The following ZBTB20 variants were observed in gnomAD, a reference collection of about 807,000 sequenced individuals.
ZBTB20 encodes the protein zinc finger and BTB domain containing 20, also known as zinc finger and BTB domain-containing protein 20.
ZBTB20 carries 9 observed loss-of-function variants against 56.9 expected under a neutral mutation model. The observed-to-expected ratio is 0.16, with a 90% CI of 0.10 to 0.28. ZBTB20 has a LOEUF of 0.28. Ranked by LOEUF, ZBTB20 falls within the 10% of genes least tolerant of loss-of-function variation. The pLI is 1.00. For missense variants in ZBTB20, 655 were observed against 1,003.0 expected (o/e 0.65, Z 4.69); for synonymous variants, 417 against 420.7 (o/e 0.99, Z 0.11).
chr3:114,427,487 G>A (rs996950596), intron 7 of ZBTB20, among the ~76,000 whole-genome samples: 2 of 152,174 alleles, frequency 1.3e-5, no homozygotes, highest in Non-Finnish European at 2.9e-5. Flanking sequence ...TGAGCCCCTC[G>A]ATCATTACTG....
chr3:115,107,132 A>T (rs2083745934), intron 1 of ZBTB20, among the ~76,000 whole-genome samples: 1 of 152,220 alleles, frequency 6.6e-6, no homozygotes, highest in Admixed American at 6.5e-5. Flanking sequence ...TTTCACAATA[A>T]AAAGTTGGAT....
chr3:114,591,026 T>G (rs943976161), intron 6 of ZBTB20, among the ~76,000 whole-genome samples: 1 of 152,234 alleles, frequency 6.6e-6, no homozygotes, highest in African/African-American at 2.4e-5. Flanking sequence ...AAAGCCTTGT[T>G]TCCCACTTCT....
chr3:114,571,353 T>C (rs1248776556), intron 6 of ZBTB20, among the ~76,000 whole-genome samples: 1 of 152,198 alleles, frequency 6.6e-6, no homozygotes, highest in East Asian at 1.9e-4. Context: ...GGAAAACTAT[T>C]GTTCTAAAAT....
At chr3:114,679,906 A>G (rs981193559) in intron 6 of ZBTB20, among the ~76,000 whole-genome samples, 2 of 152,210 alleles carry the variant, frequency 1.3e-5, no homozygotes, top group Non-Finnish European at 2.9e-5. Context: ...TCAATGATTG[A>G]CTGGATAAAG....
intron 6 of ZBTB20, among the ~76,000 whole-genome samples, chr3:114,668,840 G>A (rs1035164746): frequency 6.6e-6 from 1 of 152,074 alleles, no homozygotes; most frequent in African/African-American, 2.4e-5. Context: ...ATTAAAGGAA[G>A]CTCTGAGGTC....
chr3:115,120,712 C>T (rs548878408), intron 1 of ZBTB20, among the ~76,000 whole-genome samples: 2 of 152,136 alleles, frequency 1.3e-5, no homozygotes, highest in African/African-American at 4.8e-5. Context: ...TCCAAAGTCA[C>T]CAAACTAGTT....
At chr3:114,484,177 T>A (rs773480429) in intron 7 of ZBTB20, among the ~76,000 whole-genome samples, 4 of 152,216 alleles carry the variant, frequency 2.6e-5, no homozygotes, top group African/African-American at 9.6e-5. Flanking sequence ...TGTTTCTATA[T>A]GGAAAATTAC....
chr3:114,383,309 G>A (rs192662278), intron 8 of ZBTB20, among the ~76,000 whole-genome samples: 423 of 152,304 alleles, frequency 2.8e-3, no homozygotes, highest in Non-Finnish European at 4.8e-3. Context: ...TCAGATGTGT[G>A]CTTCAGAAAA....
chr3:114,341,257 T>C (rs1261627557), intron 11 of ZBTB20, among the ~76,000 whole-genome samples: 1 of 126,304 alleles, frequency 7.9e-6, no homozygotes, highest in East Asian at 4.7e-4. Context: ...AGTGTTTACA[T>C]TGGTACCTTT....
At chr3:114,382,467 C>G (rs992283623) in intron 8 of ZBTB20, among the ~76,000 whole-genome samples, 4 of 152,210 alleles carry the variant, frequency 2.6e-5, no homozygotes, top group African/African-American at 9.6e-5. Context: ...AATCTACATT[C>G]TGGGCTCTAC....
Position 115,104,939 on chromosome 3 carries a change from A to C in ZBTB20, c.-702-33525T>G, listed in dbSNP as rs1021805139. Among the ~76,000 whole-genome samples, 56 of 152,104 alleles carry C rather than the reference A, an allele frequency of 3.7e-4. 1 individual carries two copies. Among genetic ancestry groups the C allele is most frequent in the African/African-American group, 1.4e-3 (56 of 41,414 alleles). On this transcript the variant is annotated intron_variant, in intron 1 of 11. Coordinates refer to ENST00000675478, the MANE Select transcript of ZBTB20 (RefSeq NM_001348800.3). ...CTGGTGGGGGATATTGATGATGGGG[A>C]GGCTGTGCATGTGTGAAGGCAGGGG...
chr3:114,592,101 G>T (rs143401194), intron 6 of ZBTB20, among the ~76,000 whole-genome samples: 2 of 152,102 alleles, frequency 1.3e-5, no homozygotes, highest in Admixed American at 1.3e-4. Context: ...CAGAATCCAG[G>T]ACCGACCTCA....
intron 7 of ZBTB20, among the ~76,000 whole-genome samples, chr3:114,412,131 T>C (rs1486199188): frequency 6.6e-6 from 1 of 152,112 alleles, no homozygotes; most frequent in Non-Finnish European, 1.5e-5. Flanking sequence ...CTGGCTATCT[T>C]TGTGGCGGTG....
At chr3:114,532,814 TCTGTAGCCTCTG>T (rs1188936724) in intron 6 of ZBTB20, among the ~76,000 whole-genome samples, 1 of 152,146 alleles carries the variant, frequency 6.6e-6, no homozygotes, top group East Asian at 1.9e-4. Flanking sequence ...TGTTTGCTGT[TCTGTAGCCTCTG>T]CTGGTGGTAC....
At chr3:115,077,175 T>C (rs1266551172) in intron 1 of ZBTB20, among the ~76,000 whole-genome samples, 1 of 151,894 alleles carries the variant, frequency 6.6e-6, no homozygotes, top group Non-Finnish European at 1.5e-5. Flanking sequence ...AGAACTCCTA[T>C]AATTTAAGAG....
At chr3:115,004,243 G>A (rs1469977557) in intron 2 of ZBTB20, among the ~76,000 whole-genome samples, 2 of 151,568 alleles carry the variant, frequency 1.3e-5, no homozygotes, top group African/African-American at 4.8e-5. Flanking sequence ...TTCCTGCCTT[G>A]AAAACATGCA....
Position 114,564,721 on chromosome 3 carries a change from A to T in ZBTB20, c.-294-64330T>A, listed in dbSNP as rs528779571. On this transcript the variant is annotated intron_variant, in intron 6 of 11. Coordinates refer to ENST00000675478, the MANE Select transcript of ZBTB20 (RefSeq NM_001348800.3). Reference sequence around the variant, plus strand: ...AGTGCTTTCTGCACTTCCTTCTCCTAACTCTAGGAATAAAAGGCACACGTG... The same window carrying T: ...AGTGCTTTCTGCACTTCCTTCTCCTTACTCTAGGAATAAAAGGCACACGTG... 5.9e-5 allele frequency among the ~76,000 whole-genome samples: 9 copies of T among 152,308 alleles called. No individual in the cohort carries two copies. The South Asian group carries it at 1.9e-3, about 32-fold the overall frequency.
intron 6 of ZBTB20, among the ~76,000 whole-genome samples, chr3:114,640,762 A>G (rs531207572): frequency 1.3e-5 from 2 of 152,218 alleles, no homozygotes; most frequent in East Asian, 3.9e-4. Context: ...ACTTCTATAA[A>G]GAGAAAGAGA....
At chr3:114,937,516 C>A (rs1576372312) in intron 3 of ZBTB20, among the ~76,000 whole-genome samples, 1 of 151,644 alleles carries the variant, frequency 6.6e-6, no homozygotes, top group Admixed American at 6.6e-5. Flanking sequence ...CCGGCTCCCG[C>A]GTTCAAGTGA....
Sources: gnomAD v4.1 joint callset for allele counts (sites outside exome capture counted in the v4.1 genomes callset) on GRCh38, gnomAD v4.1.1 for gene constraint, MANE v1.5 for transcripts, NCBI Gene and HGNC (gene_info 2026-07-23, HGNC 2026-07-21) for gene names.